ECT2: variants seen among roughly 807,000 people sequenced by gnomAD.
ECT2 encodes the protein epithelial cell transforming 2.
A neutral mutation model predicts 116.9 loss-of-function variants in ECT2; 61 were observed. That is an observed-to-expected ratio of 0.52 (90% CI 0.42 to 0.65). The LOEUF is 0.65. Among genes scored for constraint, ECT2 ranks in the 30% least tolerant of loss-of-function variants. The probability of loss-of-function intolerance (pLI) is 0.00; values close to 1 mark genes in which losing one functional copy is unlikely to be tolerated. For missense variants in ECT2, 937 were observed against 1,078.7 expected (o/e 0.87, Z 1.84); for synonymous variants, 358 against 346.4 (o/e 1.03, Z -0.37).
At chr3:172,793,525 G>A (rs1454839307) in intron 18 of ECT2, among the ~76,000 whole-genome samples, 2 of 151,536 alleles carry the variant, frequency 1.3e-5, no homozygotes, top group East Asian at 1.9e-4. Flanking sequence ...GTGCAGTGGC[G>A]CGATCTCTGC....
In ECT2 at chr3:172,755,361, T is replaced by TAA; in HGVS notation, c.200_201dup (p.Ala68LysfsTer3). The TAA allele has an allele frequency of 6.2e-7, 1 of 1,605,040 alleles. No individual in the cohort carries two copies. The highest frequency in any genetic ancestry group is 8.5e-7 in the Non-Finnish European group (1 of 1,177,736). On this transcript the variant is annotated frameshift_variant, in exon 3 of 25. Transcript: ENST00000392692. LOFTEE classifies it high-confidence loss of function. ...GAAGCTGGAAAACAAGAAGAACTTA[T>TAA]AAAAGCCTTAAAGGTACGGAGTTTT...
At chr3:172,784,673 C>A in intron 16 of ECT2, 34 bp from the exon 17 acceptor site, 1 of 1,530,682 alleles carries the variant, frequency 6.5e-7, no homozygotes. Flanking sequence ...TTTCAGAAAA[C>A]CTTTTTTGAA....
intron 18 of ECT2, among the ~76,000 whole-genome samples, chr3:172,801,040 T>C (rs1027491091): frequency 1.3e-5 from 2 of 152,216 alleles, no homozygotes; most frequent in African/African-American, 2.4e-5. Context: ...ATGTTCAATC[T>C]TTCTTGCAGT....
intron 23 of ECT2, 74 bp from the exon 24 acceptor site, chr3:172,816,616 CT>C (rs749700542): frequency 1.8e-5 from 25 of 1,378,150 alleles, no homozygotes; most frequent in Non-Finnish European, 2.1e-5. Context: ...ATATATTTGG[CT>C]TTTTTATGTT....
intron 22 of ECT2, among the ~76,000 whole-genome samples, chr3:172,809,568 TACACACACACACAC>T (rs10576393): frequency 2.2e-3 from 322 of 147,240 alleles, no homozygotes; most frequent in African/African-American, 7.6e-3. Flanking sequence ...TGTGTATATC[TACACACACACACAC>T]ACACACACAC....
chr3:172,825,526 A>T (rs1560043312), downstream of ECT2, among the ~76,000 whole-genome samples: 1 of 152,214 alleles, frequency 6.6e-6, no homozygotes, highest in Non-Finnish European at 1.5e-5. Context: ...GTGAATGATA[A>T]GAAAGTGAAA....
At chr3:172,802,092 ATGTTT>A (rs937278007) in intron 18 of ECT2, among the ~76,000 whole-genome samples, 4 of 147,330 alleles carry the variant, frequency 2.7e-5, no homozygotes, top group South Asian at 2.3e-4. Context: ...GAGTCTATGG[ATGTTT>A]TGTTTTTGTT....
intron 13 of ECT2, among the ~76,000 whole-genome samples, chr3:172,771,564 C>G (rs1007540479): frequency 6.6e-6 from 1 of 152,082 alleles, no homozygotes; most frequent in African/African-American, 2.4e-5. Flanking sequence ...GATGAGATGG[C>G]CTATACCAAT....
intron 12 of ECT2, among the ~76,000 whole-genome samples, chr3:172,764,712 T>C (rs550254217): frequency 6.6e-6 from 1 of 152,350 alleles, no homozygotes; most frequent in African/African-American, 2.4e-5. Flanking sequence ...ATACGTTTTG[T>C]GTGTTTATAA....
chr3:172,794,056 T>C (rs1264300029), intron 18 of ECT2, among the ~76,000 whole-genome samples: 1 of 152,192 alleles, frequency 6.6e-6, no homozygotes, highest in Non-Finnish European at 1.5e-5. Flanking sequence ...TGGCTTGTTT[T>C]TTTCTTTTGA....
At chr3:172,767,138 G>GT (rs1352971088) in intron 12 of ECT2, among the ~76,000 whole-genome samples, 3 of 151,936 alleles carry the variant, frequency 2.0e-5, no homozygotes, top group Non-Finnish European at 4.4e-5. Context: ...TTGAGATTCT[G>GT]TTTTTTTTAA....
intron 22 of ECT2, among the ~76,000 whole-genome samples, chr3:172,809,611 G>A (rs11914336): frequency 0.093 from 14,110 of 151,080 alleles, 1,217 homozygotes; most frequent in African/African-American, 0.22. Flanking sequence ...ACACACACAC[G>A]TGAAAGATGT....
At chr3:172,795,177 G>A (rs1725392512) in intron 18 of ECT2, among the ~76,000 whole-genome samples, 1 of 151,954 alleles carries the variant, frequency 6.6e-6, no homozygotes, top group South Asian at 2.1e-4. Flanking sequence ...ACAAAAATTA[G>A]CCAGGCATGG....
intron 11 of ECT2, among the ~76,000 whole-genome samples, chr3:172,763,396 A>G (rs1368007460): frequency 6.6e-6 from 1 of 152,250 alleles, no homozygotes; most frequent in African/African-American, 2.4e-5. Context: ...AGGTAAGGAC[A>G]TTCGTTAGAA....
chr3:172,808,365 C>T (rs1335524542), intron 22 of ECT2, among the ~76,000 whole-genome samples: 3 of 147,560 alleles, frequency 2.0e-5, no homozygotes, highest in East Asian at 2.0e-4. Flanking sequence ...CGTGAGCCAC[C>T]GTGCCTGGCC....
At chr3:172,767,957 C>T (rs1719832617) in intron 12 of ECT2, among the ~76,000 whole-genome samples, 1 of 152,260 alleles carries the variant, frequency 6.6e-6, no homozygotes, top group Non-Finnish European at 1.5e-5. Context: ...GCCTCGAACT[C>T]CTGACCTCAA....
intron 13 of ECT2, among the ~76,000 whole-genome samples, chr3:172,773,378 T>C (rs1721013572): frequency 1.3e-5 from 2 of 152,188 alleles, no homozygotes; most frequent in Admixed American, 6.5e-5. Flanking sequence ...TTGTGTCTTA[T>C]GGCCTTGCCA....
rs371264524 is a variant in ECT2, at chr3:172,805,735, C to T, written c.2111C>T (p.Ala704Val). The stretch of plus-strand genomic sequence containing the variant: ...TTTTTTATTTTCTATAATCAGATAG[C>T]AAGAAAACGGCACAAGGTTATTGGC... Reference protein sequence around the residue: ...LFLFNDCLEIARKRHKVIGTF... With the variant: ...LFLFNDCLEIVRKRHKVIGTF... The change falls in exon 21 of 25, where the codon GCA becomes GTA. Residue 704 changes from alanine (A) to valine (V), a missense_variant. Physicochemically the swap from Ala to Val is moderately conservative, Grantham distance 64. Coordinates refer to ENST00000392692, the MANE Select transcript of ECT2 (RefSeq NM_001258315.2). 2.6e-5 allele frequency: 42 copies of T among 1,612,514 alleles called. No homozygotes were observed. Among genetic ancestry groups the T allele is most frequent in the Non-Finnish European group, 3.1e-5 (36 of 1,179,432 alleles).
At chr3:172,821,921 CT>C (rs960348024), downstream of ECT2, among the ~76,000 whole-genome samples, 4 of 151,748 alleles carry the variant, frequency 2.6e-5, no homozygotes, top group Non-Finnish European at 4.4e-5. Context: ...TGGTTTTTTA[CT>C]GTTATCTATC....
Sources: gnomAD v4.1 joint callset for allele counts (sites outside exome capture counted in the v4.1 genomes callset) on GRCh38, gnomAD v4.1.1 for gene constraint, MANE v1.5 for transcripts, NCBI Gene and HGNC (gene_info 2026-07-23, HGNC 2026-07-21) for gene names.